ANKRD33B: variants seen among roughly 807,000 people sequenced by gnomAD.
The protein encoded by ANKRD33B is ankyrin repeat domain-containing protein 33B.
In ANKRD33B, 6 loss-of-function variants were observed where a neutral mutation model predicts 21.5. That is an observed-to-expected ratio of 0.28 (90% CI 0.15 to 0.55). The LOEUF (loss-of-function observed/expected upper bound fraction) is 0.55, where lower values mean the gene tolerates loss of function less well. Ranked by LOEUF, ANKRD33B falls within the 20% of genes least tolerant of loss-of-function variation. ANKRD33B has a pLI of 0.94. For synonymous variants in ANKRD33B, 347 were observed against 342.4 expected (o/e 1.01, Z -0.15); for missense variants, 698 against 747.2 (o/e 0.93, Z 0.77).
chr5:10,582,159 G>A (rs1735457400), intron 1 of ANKRD33B, among the ~76,000 whole-genome samples: 1 of 152,190 alleles, frequency 6.6e-6, no homozygotes, highest in South Asian at 2.1e-4. Flanking sequence ...TGGGTATACA[G>A]CCTGTCCAGT....
intron 1 of ANKRD33B, among the ~76,000 whole-genome samples, chr5:10,596,710 C>A (rs548987947): frequency 1.7e-3 from 259 of 152,244 alleles, no homozygotes; most frequent in Non-Finnish European, 2.6e-3. Context: ...CAGTAAGATG[C>A]TCCATGAGAC....
At position 10,638,167 on chromosome 5, in the gene ANKRD33B, A is replaced by T; in HGVS notation, c.636A>T (p.Ala212=). The part of the protein sequence containing the change: ...RTDCIRALML[A]GADVHARDPR... ...ACTGCATCCGAGCCCTGATGCTAGCAGGTATGTCCACCTGTCCTGTGCAGC... is the reference window on the plus strand; with the variant it reads ...ACTGCATCCGAGCCCTGATGCTAGCTGGTATGTCCACCTGTCCTGTGCAGC... The change falls in exon 3 of 4, where the codon GCA becomes GCT. Residue 212 remains alanine (A), a splice_region_variant and synonymous_variant. Coordinates refer to ENST00000296657, the MANE Select transcript of ANKRD33B (RefSeq NM_001164440.2). 6.5e-7 allele frequency: 1 copy of T among 1,537,360 alleles called. No homozygotes were observed. The highest frequency in any genetic ancestry group is 8.7e-7 in the Non-Finnish European group (1 of 1,146,888).
intron 3 of ANKRD33B, among the ~76,000 whole-genome samples, chr5:10,646,182 A>G (rs748595580): frequency 6.6e-5 from 10 of 152,188 alleles, no homozygotes; most frequent in Non-Finnish European, 2.9e-5. Context: ...GAGTGGACCC[A>G]TGGGTGGCAG....
rs565382864 is a variant in ANKRD33B at position 10,655,840 on chromosome 5, C to G, written c.*5727C>G. The G allele has an allele frequency of 7.9e-5, 12 of 152,542 alleles. No homozygotes were observed. Among genetic ancestry groups the G allele is most frequent in the Admixed American group, 2.0e-4 (3 of 15,302 alleles). The allele number at this position is 152,542 out of a possible 1,614,324, so 9.4% of individuals were successfully genotyped here. On this transcript the variant is annotated 3_prime_UTR_variant, in exon 4 of 4. Coordinates refer to ENST00000296657, the MANE Select transcript of ANKRD33B (RefSeq NM_001164440.2). ...CACCTGGGGGCCCTGTTTCTTCCAGCCTGGTCCTTGGTTTCTACCCCAGCC... is the reference window on the plus strand; with the variant it reads ...CACCTGGGGGCCCTGTTTCTTCCAGGCTGGTCCTTGGTTTCTACCCCAGCC...
intron 2 of ANKRD33B, among the ~76,000 whole-genome samples, chr5:10,626,979 C>G (rs1218695541): frequency 1.3e-5 from 2 of 152,210 alleles, no homozygotes. Flanking sequence ...GAGTTGGAAG[C>G]TCTGGGTTTC....
chr5:10,653,382 A>G lies in ANKRD33B; in HGVS notation c.*3269A>G, dbSNP rs1737403534. On this transcript the variant is annotated 3_prime_UTR_variant, in exon 4 of 4. Transcript: ENST00000296657. ...CTCATTCTCTTTGGAGTGGGCACAG[A>G]GGGGACAAGTCGGCCCCCAGTGAGG... 1 of 152,402 alleles carries G rather than the reference A, an allele frequency of 6.6e-6. No individual in the cohort carries two copies. The highest frequency in any genetic ancestry group is 1.5e-5 in the Non-Finnish European group (1 of 68,104). 9.4% of individuals were successfully genotyped at this position (152,402 alleles called of 1,614,324 possible).
In ANKRD33B at chr5:10,576,911, G is replaced by T. The variant is rs141325680; in HGVS notation, c.366+12078G>T. ...TTCTGGTGCATCCTGTGGGCACCTC[G>T]GATGACGCGAGGGTGGAGCCTGAAA... On this transcript the variant is annotated intron_variant, in intron 1 of 3. Transcript: ENST00000296657. This position sits in a 1 kb window ranked among gnomAD's most constrained non-coding sequence, Gnocchi z 4.1. Among the ~76,000 whole-genome samples, 2 of 152,188 alleles carry T rather than the reference G, an allele frequency of 1.3e-5. No homozygotes were observed.
chr5:10,579,338 G>A (rs1351154057), intron 1 of ANKRD33B, among the ~76,000 whole-genome samples: 4 of 149,340 alleles, frequency 2.7e-5, no homozygotes, highest in Admixed American at 2.0e-4. Flanking sequence ...CATCCAAGAA[G>A]CCTGCTAAGT....
In ANKRD33B at chr5:10,640,032, G is replaced by C. The variant is rs1245509290; in HGVS notation, c.637+1864G>C. On this transcript the variant is annotated intron_variant, in intron 3 of 3. Coordinates refer to ENST00000296657, the MANE Select transcript of ANKRD33B (RefSeq NM_001164440.2). Reference sequence around the variant, plus strand: ...CGTGGAGTTGCGCGGCGATGTTAGCGGGTGACGTGGAGTTGCACGGTGATG... The same window carrying C: ...CGTGGAGTTGCGCGGCGATGTTAGCCGGTGACGTGGAGTTGCACGGTGATG... Among the ~76,000 whole-genome samples, 10 of 86,642 alleles carry C rather than the reference G, an allele frequency of 1.2e-4. 1 individual carries two copies. In the East Asian group the frequency reaches 2.0e-3, roughly 17 times the overall value. The allele number at this position is 86,642 out of a possible 152,430, so 56.8% of individuals were successfully genotyped here.
At chr5:10,581,929 G>A (rs1735452781) in intron 1 of ANKRD33B, among the ~76,000 whole-genome samples, 3 of 152,248 alleles carry the variant, frequency 2.0e-5, no homozygotes, top group Admixed American at 2.0e-4. Flanking sequence ...TCTCCTCTTG[G>A]TTCTGTCTCT....
intron 3 of ANKRD33B, among the ~76,000 whole-genome samples, chr5:10,646,740 T>A (rs929196010): frequency 6.6e-6 from 1 of 152,262 alleles, no homozygotes; most frequent in Non-Finnish European, 1.5e-5. Context: ...TTATAAATTG[T>A]ACTCTAGCTA....
chr5:10,603,634 T>G (rs1051428680), intron 1 of ANKRD33B, among the ~76,000 whole-genome samples: 9 of 152,200 alleles, frequency 5.9e-5, no homozygotes, highest in Middle Eastern at 3.2e-3. Flanking sequence ...AAAATGAGAC[T>G]TTTTACAACT....
At chr5:10,602,917 A>G (rs866743448) in intron 1 of ANKRD33B, among the ~76,000 whole-genome samples, 4 of 151,368 alleles carry the variant, frequency 2.6e-5, no homozygotes, top group Middle Eastern at 6.8e-3. Flanking sequence ...AACTCAAGCA[A>G]TCCTCCTGCC....
In ANKRD33B at chr5:10,650,213, T is replaced by G. The variant is rs13354828; in HGVS notation, c.*100T>G. The stretch of plus-strand genomic sequence containing the variant: ...CGGCCCCGTTGCGCATCGCACCACT[T>G]CCGCTCCATGGACCACGGGGCTGCG... On this transcript the variant is annotated 3_prime_UTR_variant, in exon 4 of 4. Coordinates refer to ENST00000296657, the MANE Select transcript of ANKRD33B (RefSeq NM_001164440.2). 394,068 of 1,275,210 alleles carry G rather than the reference T, an allele frequency of 0.31. 62,117 individuals carry two copies. Among genetic ancestry groups the G allele is most frequent in the African/African-American group, 0.4 (24,937 of 62,822 alleles). The allele number at this position is 1,275,210 out of a possible 1,614,324, so 79.0% of individuals were successfully genotyped here. A position where few individuals can be genotyped will look rare whatever the true frequency, so the allele number is the denominator to read the frequency against.
chr5:10,608,559 A>G (rs1043293209), intron 1 of ANKRD33B, among the ~76,000 whole-genome samples: 4 of 152,018 alleles, frequency 2.6e-5, no homozygotes, highest in Non-Finnish European at 5.9e-5. Flanking sequence ...GTTACTACCA[A>G]TGGGAAAAGA....
intron 1 of ANKRD33B, among the ~76,000 whole-genome samples, chr5:10,617,712 C>T (rs1374822749): frequency 6.6e-6 from 1 of 152,166 alleles, no homozygotes; most frequent in Admixed American, 6.5e-5. Flanking sequence ...TCTCTGAGAC[C>T]TCCTGTTGCC....
chr5:10,589,147 A>G (rs1166256440), intron 1 of ANKRD33B, among the ~76,000 whole-genome samples: 1 of 151,996 alleles, frequency 6.6e-6, no homozygotes, highest in Non-Finnish European at 1.5e-5. Flanking sequence ...GCTTCCTTCA[A>G]ATGAACTAAT....
At chr5:10,569,815 G>A (rs967294063) in intron 1 of ANKRD33B, among the ~76,000 whole-genome samples, 7 of 152,136 alleles carry the variant, frequency 4.6e-5, no homozygotes, top group Admixed American at 1.3e-4. Context: ...TCTGCTGACC[G>A]TGGTGGGGAG....
At chr5:10,637,389 G>A (rs929668220) in intron 2 of ANKRD33B, among the ~76,000 whole-genome samples, 37 of 148,158 alleles carry the variant, frequency 2.5e-4, no homozygotes, top group African/African-American at 9.3e-4. Flanking sequence ...CCTTGCCTGC[G>A]ACACTCTGTG....
Sources: gnomAD v4.1 joint callset for allele counts (sites outside exome capture counted in the v4.1 genomes callset) on GRCh38, gnomAD v4.1.1 for gene constraint, Gnocchi (gnomAD v3.1) non-coding constraint, MANE v1.5 for transcripts, NCBI Gene and HGNC (gene_info 2026-07-23, HGNC 2026-07-21) for gene names.